The following BANP variants were observed in gnomAD, a reference collection of about 807,000 sequenced individuals.
The protein encoded by BANP is protein BANP.
BANP carries 11 observed loss-of-function variants against 68.1 expected under a neutral mutation model. That is an observed-to-expected ratio of 0.16 (90% confidence interval 0.10 to 0.27). The LOEUF (loss-of-function observed/expected upper bound fraction) is 0.27, where lower values mean the gene tolerates loss of function less well. Ranked by LOEUF, BANP falls within the 10% of genes least tolerant of loss-of-function variation. The pLI is 1.00. For synonymous variants in BANP, 329 were observed against 303.2 expected (o/e 1.09, Z -0.88); for missense variants, 504 against 722.7 (o/e 0.70, Z 3.47).
At chr16:88,075,621 T>C (rs12927165) in intron 13 of BANP, among the ~76,000 whole-genome samples, 89,720 of 152,032 alleles carry the variant, frequency 0.59, 27,319 homozygotes, top group Non-Finnish European at 0.68. Flanking sequence ...TTCCTGTGCC[T>C]TCCAGCTGAA....
rs2070096381 is a variant in BANP at position 88,003,661 on chromosome 16, C to T, written c.363-634C>T. The T allele has an allele frequency of 2.6e-6, 1 of 390,608 alleles. No individual in the cohort carries two copies. The highest frequency in any genetic ancestry group is 2.1e-5 in the African/African-American group (1 of 47,776). 24.2% of individuals were successfully genotyped at this position (390,608 alleles called of 1,614,324 possible). A position where few individuals can be genotyped will look rare whatever the true frequency, so the allele number is the denominator to read the frequency against. On this transcript the variant is annotated intron_variant, in intron 4 of 13. Coordinates refer to ENST00000682872, the MANE Select transcript of BANP (RefSeq NM_001386991.1). This position sits in a 1 kb window ranked among gnomAD's most constrained non-coding sequence, Gnocchi z 6.1. The stretch of plus-strand genomic sequence containing the variant: ...GGCGCCAGGCTTGCTGGTTTCTGGG[C>T]CATGGTCTGTTCTTTTGTAGAATCT...
intron 1 of BANP, among the ~76,000 whole-genome samples, chr16:87,972,741 A>G (rs2061354441): frequency 1.3e-5 from 2 of 152,066 alleles, no homozygotes; most frequent in Admixed American, 6.5e-5. Context: ...TCCCACCTTT[A>G]ATGAGCTTTC....
intron 11 of BANP, among the ~76,000 whole-genome samples, chr16:88,050,937 T>G (rs1483991357): frequency 1.3e-5 from 2 of 152,236 alleles, no homozygotes; most frequent in East Asian, 3.9e-4. Flanking sequence ...TCCGCCTGCC[T>G]CAGCCTCCCA....
intron 7 of BANP, among the ~76,000 whole-genome samples, chr16:88,024,604 T>C (rs1211890850): frequency 6.6e-6 from 1 of 152,224 alleles, no homozygotes; most frequent in Admixed American, 6.5e-5. Context: ...TCCAGTAGCA[T>C]CTGCGGGCGG....
chr16:87,949,940 C>T, upstream of BANP, among the ~76,000 whole-genome samples: 1 of 151,258 alleles, frequency 6.6e-6, no homozygotes, highest in Non-Finnish European at 1.5e-5. Flanking sequence ...TCCAGTGGCG[C>T]CATCTCGGCT....
At chr16:88,073,944 G>T (rs770800335) in intron 13 of BANP, among the ~76,000 whole-genome samples, 6 of 152,216 alleles carry the variant, frequency 3.9e-5, no homozygotes, top group Non-Finnish European at 8.8e-5. Flanking sequence ...CAAGGAAGAC[G>T]GCGTGCTTAA....
At position 87,961,410 on chromosome 16, in the gene BANP, C is replaced by CCCCCCG. The variant is rs1555533450; in HGVS notation, c.-69+9900_-69+9901insGCCCCC. ...AACTCCTGGACTCACAGAATCTGCA[C>CCCCCCG]CCCCCCGGGCCTCCCAAAGTGCTGG... On this transcript the variant is annotated intron_variant, in intron 1 of 13. Coordinates refer to ENST00000682872, the MANE Select transcript of BANP (RefSeq NM_001386991.1). 5.0e-5 allele frequency among the ~76,000 whole-genome samples: 7 copies of CCCCCCG among 140,536 alleles called. 1 individual carries two copies. Among genetic ancestry groups the CCCCCCG allele is most frequent in the African/African-American group, 1.7e-4 (7 of 40,008 alleles). The allele number at this position is 140,536 out of a possible 152,430, so 92.2% of individuals were successfully genotyped here. A position where few individuals can be genotyped will look rare whatever the true frequency, so the allele number is the denominator to read the frequency against.
chr16:88,031,799 T>TCCCCTCTCTTGCCCC (rs2078237314), intron 8 of BANP, among the ~76,000 whole-genome samples: 1 of 74,466 alleles, frequency 1.3e-5, no homozygotes, highest in African/African-American at 5.4e-5. Flanking sequence ...GCTCTTGCCC[T>TCCCCTCTCTTGCCCC]CCCCTCTCTT....
chr16:88,068,449 T>A (rs911381785), intron 12 of BANP, among the ~76,000 whole-genome samples: 3 of 152,200 alleles, frequency 2.0e-5, no homozygotes, highest in African/African-American at 7.2e-5. Context: ...TGAGAAACGC[T>A]GGTTCAGGCA....
intron 13 of BANP, among the ~76,000 whole-genome samples, chr16:88,075,479 G>A (rs981175134): frequency 6.6e-5 from 10 of 152,114 alleles, no homozygotes; most frequent in African/African-American, 2.4e-4. Flanking sequence ...CTCCAACCTG[G>A]GCAACAGAGC....
chr16:87,992,170 C>T (rs2066023191), intron 4 of BANP, among the ~76,000 whole-genome samples: 1 of 152,186 alleles, frequency 6.6e-6, no homozygotes, highest in African/African-American at 2.4e-5. Context: ...ACGTCGATTT[C>T]GAATGCTAAC....
chr16:87,994,162 T>G (rs968104223), intron 4 of BANP, among the ~76,000 whole-genome samples: 1 of 152,214 alleles, frequency 6.6e-6, no homozygotes, highest in African/African-American at 2.4e-5. Context: ...GGGCGGCTTT[T>G]CAGCCAAACA....
intron 1 of BANP, among the ~76,000 whole-genome samples, chr16:87,967,018 G>C (rs1445963489): frequency 6.6e-6 from 1 of 152,234 alleles, no homozygotes; most frequent in Non-Finnish European, 1.5e-5. Flanking sequence ...GAGCACGGAA[G>C]AAGGGACAAG....
chr16:87,991,086 T>C (rs1309503399), intron 4 of BANP, among the ~76,000 whole-genome samples: 1 of 152,184 alleles, frequency 6.6e-6, no homozygotes, highest in African/African-American at 2.4e-5. Flanking sequence ...AGTGACCTAA[T>C]AGTGACACCC....
At chr16:88,066,604 C>A (rs2088686499) in intron 12 of BANP, among the ~76,000 whole-genome samples, 1 of 152,190 alleles carries the variant, frequency 6.6e-6, no homozygotes, top group Admixed American at 6.5e-5. Context: ...AAAGTAAAAC[C>A]ACATTGCCTG....
intron 11 of BANP, among the ~76,000 whole-genome samples, chr16:88,050,735 C>A (rs1268798970): frequency 6.6e-6 from 1 of 152,144 alleles, no homozygotes; most frequent in African/African-American, 2.4e-5. Flanking sequence ...GTTGTCGAGG[C>A]TGGAGTGCAG....
At chr16:87,958,039 G>A (rs770279963) in intron 1 of BANP, among the ~76,000 whole-genome samples, 8 of 152,172 alleles carry the variant, frequency 5.3e-5, no homozygotes, top group Admixed American at 2.0e-4. Context: ...AGAAGGCTGG[G>A]TGCCCTGTTT....
chr16:88,046,673 G>A (rs1384877555), intron 11 of BANP, among the ~76,000 whole-genome samples: 1 of 151,978 alleles, frequency 6.6e-6, no homozygotes, highest in African/African-American at 2.4e-5. Flanking sequence ...AGCCTCCTGA[G>A]TCGCTGGGAT....
At chr16:88,026,110 A>G (rs554953069) in intron 7 of BANP, among the ~76,000 whole-genome samples, 1 of 152,318 alleles carries the variant, frequency 6.6e-6, no homozygotes, top group South Asian at 2.1e-4. Context: ...GCATCTCTGG[A>G]TGCTGCTCAG....
Sources: allele counts gnomAD v4.1 joint callset (sites outside exome capture counted in the v4.1 genomes callset), GRCh38; gene constraint gnomAD v4.1.1; non-coding constraint Gnocchi (gnomAD v3.1); transcripts MANE v1.5; gene names NCBI Gene and HGNC (gene_info 2026-07-23, HGNC 2026-07-21).